SYN3: variants seen among roughly 807,000 people sequenced by gnomAD.
SYN3 encodes synapsin III.
A neutral mutation model predicts 65.8 loss-of-function variants in SYN3; 35 were observed. That is an observed-to-expected ratio of 0.53 (90% CI 0.41 to 0.70). The LOEUF is 0.70. SYN3 is among the 30% of genes least tolerant of loss of function. SYN3 has a pLI of 0.00. For missense variants in SYN3, 680 were observed against 749.0 expected (o/e 0.91, Z 1.08); for synonymous variants, 270 against 292.9 (o/e 0.92, Z 0.80).
chr22:32,739,349 T>A (rs907411700), intron 6 of SYN3, among the ~76,000 whole-genome samples: 1 of 149,676 alleles, frequency 6.7e-6, no homozygotes, highest in Non-Finnish European at 1.5e-5. Context: ...CCCAGCCACA[T>A]GGAACTGTGA....
At chr22:32,612,781 G>C (rs932259840) in intron 6 of SYN3, among the ~76,000 whole-genome samples, 3 of 152,152 alleles carry the variant, frequency 2.0e-5, no homozygotes, top group Non-Finnish European at 2.9e-5. Context: ...ATTGGAGGCT[G>C]CAGTGAGCAG....
At chr22:32,894,122 G>C (rs558405390) in intron 4 of SYN3, among the ~76,000 whole-genome samples, 1 of 152,290 alleles carries the variant, frequency 6.6e-6, no homozygotes, top group Admixed American at 6.5e-5. Context: ...TCTTCACCTT[G>C]TAATACTTAT....
At chr22:32,522,587 A>C (rs1239996496) in intron 12 of SYN3, among the ~76,000 whole-genome samples, 1 of 152,236 alleles carries the variant, frequency 6.6e-6, no homozygotes, top group Non-Finnish European at 1.5e-5. Flanking sequence ...TGCATTAGTT[A>C]CAAGGATTGT....
Position 32,513,763 on chromosome 22 carries a change from T to A in SYN3, c.1672A>T (p.Ser558Cys), listed in dbSNP as rs775697340. 1.9e-6 allele frequency: 3 copies of A among 1,614,084 alleles called. No homozygotes were observed. Among genetic ancestry groups the A allele is most frequent in the Admixed American group, 3.3e-5 (2 of 60,004 alleles). ...GTTTCAGCCTTGGCCTCGTCTTCACTTGGGGTCCCACGCTGGGAGGTGTCG... is the reference window on the plus strand; with the variant it reads ...GTTTCAGCCTTGGCCTCGTCTTCACATGGGGTCCCACGCTGGGAGGTGTCG... ...TSDTSQRGTP[S>C]EDEAKAETIR... The change falls in exon 14 of 14, where the codon AGT becomes TGT. Residue 558 changes from serine (S) to cysteine (C), a missense_variant. Physicochemically the swap from Ser to Cys is moderately radical, Grantham distance 112. Coordinates refer to ENST00000358763, the MANE Select transcript of SYN3 (RefSeq NM_003490.4).
At chr22:32,911,825 T>G (rs1025592958) in intron 4 of SYN3, among the ~76,000 whole-genome samples, 1 of 152,062 alleles carries the variant, frequency 6.6e-6, no homozygotes, top group Admixed American at 6.5e-5. Context: ...GCCCACCCAC[T>G]CAGAAAGCCC....
chr22:32,779,013 A>G (rs2145816635), intron 6 of SYN3, among the ~76,000 whole-genome samples: 1 of 152,348 alleles, frequency 6.6e-6, no homozygotes, highest in South Asian at 2.1e-4. Flanking sequence ...CAAGACAGAC[A>G]TAGTCCCTAC....
At chr22:32,919,833 C>T (rs185738207) in intron 4 of SYN3, among the ~76,000 whole-genome samples, 59 of 152,272 alleles carry the variant, frequency 3.9e-4, no homozygotes, top group Admixed American at 3.5e-3. Flanking sequence ...TTGGAAAAGC[C>T]ACCCTTCTCT....
intron 6 of SYN3, among the ~76,000 whole-genome samples, chr22:32,643,867 G>A (rs2059942893): frequency 6.6e-6 from 1 of 151,512 alleles, no homozygotes; most frequent in Admixed American, 6.6e-5. Context: ...CGAGGCGGGT[G>A]GATCACAAGG....
intron 3 of SYN3, among the ~76,000 whole-genome samples, chr22:32,967,004 G>A (rs2051866390): frequency 6.6e-6 from 1 of 152,226 alleles, no homozygotes; most frequent in Non-Finnish European, 1.5e-5. Flanking sequence ...CTTGTATGCT[G>A]TGTGGCCTTG....
At chr22:32,799,736 G>T (rs1243632677) in intron 6 of SYN3, among the ~76,000 whole-genome samples, 1 of 152,086 alleles carries the variant, frequency 6.6e-6, no homozygotes, top group Non-Finnish European at 1.5e-5. Flanking sequence ...CCTTAGAGTG[G>T]CCTCCAGGGC....
chr22:32,925,006 C>T (rs181328749), intron 4 of SYN3, among the ~76,000 whole-genome samples: 23 of 152,148 alleles, frequency 1.5e-4, no homozygotes, highest in Admixed American at 7.9e-4. Context: ...GTGGGTGGAC[C>T]GCTTGAGCCC....
intron 7 of SYN3, among the ~76,000 whole-genome samples, chr22:32,579,825 CCTTTT>C (rs1008285281): frequency 2.2e-4 from 34 of 152,096 alleles, no homozygotes; most frequent in African/African-American, 8.0e-4. Flanking sequence ...AGTGCTGGTT[CCTTTT>C]CTTAGCTCTT....
chr22:32,787,325 G>A lies in SYN3; in HGVS notation c.711+77590C>T, dbSNP rs529132447. 3.3e-5 allele frequency among the ~76,000 whole-genome samples: 5 copies of A among 152,320 alleles called. No homozygotes were observed. The South Asian group carries it at 1.0e-3, about 32-fold the overall frequency. ...AACCTCCCAAAGTGCTGGGATTACA[G>A]GCGTGAGCCACCGCACCCAACCCTT... On this transcript the variant is annotated intron_variant, in intron 6 of 13. Transcript: ENST00000358763.
chr22:32,585,234 T>C (rs1379179799), intron 7 of SYN3, among the ~76,000 whole-genome samples: 2 of 152,216 alleles, frequency 1.3e-5, no homozygotes, highest in African/African-American at 2.4e-5. Context: ...TGCTCTGAGC[T>C]ATCCCAGAGA....
rs114973856 is a variant in SYN3, at chr22:32,621,622, C to T, written c.712-24886G>A. Among the ~76,000 whole-genome samples the T allele has an allele frequency of 3.9e-3, 588 of 152,304 alleles. 2 individuals are homozygous for T. Among genetic ancestry groups the T allele is most frequent in the African/African-American group, 0.014 (570 of 41,564 alleles). On this transcript the variant is annotated intron_variant, in intron 6 of 13. Coordinates refer to ENST00000358763, the MANE Select transcript of SYN3 (RefSeq NM_003490.4). ...GCACCTGGTGCTGGGAACTGCTTCT[C>T]GGCCTGAAGCGAGTGCTGCCTTTCC...
rs2053193326 is a variant in SYN3, at chr22:33,006,300, C to G, written c.311+52G>C. 5.3e-6 allele frequency: 8 copies of G among 1,517,268 alleles called. No homozygotes were observed. The Admixed American group carries it at 1.2e-4, about 23-fold the overall frequency. 94.0% of individuals were successfully genotyped at this position (1,517,268 alleles called of 1,614,324 possible). A position where few individuals can be genotyped will look rare whatever the true frequency, so the allele number is the denominator to read the frequency against. On this transcript the variant is annotated intron_variant, in intron 2 of 13. Coordinates refer to ENST00000358763, the MANE Select transcript of SYN3 (RefSeq NM_003490.4). Reference sequence around the variant, plus strand: ...TATTTCCCCAGGAGATGAGATAATCCCCACTCCTCTCTTGCCCCAGAAGGT... The same window carrying G: ...TATTTCCCCAGGAGATGAGATAATCGCCACTCCTCTCTTGCCCCAGAAGGT...
chr22:32,865,654 T>C (rs960790566), intron 5 of SYN3, among the ~76,000 whole-genome samples: 11 of 152,194 alleles, frequency 7.2e-5, no homozygotes, highest in African/African-American at 2.4e-4. Context: ...GCCACATCCC[T>C]TCCCACTGCT....
intron 6 of SYN3, among the ~76,000 whole-genome samples, chr22:32,728,503 G>A (rs975035391): frequency 2.0e-5 from 3 of 152,128 alleles, no homozygotes; most frequent in African/African-American, 7.2e-5. Flanking sequence ...TTTGCATCTC[G>A]GCTCAAACAT....
chr22:33,048,016 G>A (rs530481032), intron 1 of SYN3, among the ~76,000 whole-genome samples: 22 of 152,202 alleles, frequency 1.4e-4, no homozygotes, highest in Middle Eastern at 3.4e-3. Context: ...ATATTCAGGG[G>A]CATGAGAATG....
Sources: allele counts gnomAD v4.1 joint callset (sites outside exome capture counted in the v4.1 genomes callset), GRCh38; gene constraint gnomAD v4.1.1; transcripts MANE v1.5; gene names NCBI Gene and HGNC (gene_info 2026-07-23, HGNC 2026-07-21).